GALNT10: variants seen among roughly 807,000 people sequenced by gnomAD.
GALNT10 encodes GalNAc transferase 10.
Under a neutral mutation model 75.0 loss-of-function variants are expected in GALNT10, and 41 were observed. The ratio of observed to expected loss-of-function variants is 0.55; its 90% CI spans 0.43 to 0.71. GALNT10 has a LOEUF of 0.71. Ranked by LOEUF, GALNT10 falls within the 30% of genes least tolerant of loss-of-function variation. The probability of loss-of-function intolerance (pLI) is 0.00; values close to 1 mark genes in which losing one functional copy is unlikely to be tolerated. For synonymous variants in GALNT10, 302 were observed against 313.0 expected, an observed-to-expected ratio of 0.96 and a Z score of 0.37; for missense variants, 727 against 818.5, an observed-to-expected ratio of 0.89 and a Z score of 1.36.
At chr5:154,193,610 T>G (rs1340149363) in intron 1 of GALNT10, among the ~76,000 whole-genome samples, 2 of 152,256 alleles carry the variant, frequency 1.3e-5, no homozygotes, top group African/African-American at 4.8e-5. Context: ...CGTTGATCCT[T>G]CTGGTAGAAA....
intron 7 of GALNT10, among the ~76,000 whole-genome samples, chr5:154,394,505 G>A (rs1253054610): frequency 6.6e-6 from 1 of 152,158 alleles, no homozygotes; most frequent in Non-Finnish European, 1.5e-5. Flanking sequence ...GAAGGTGGCA[G>A]TGCCAAGGCT....
At chr5:154,206,049 G>A (rs1048611836) in intron 1 of GALNT10, among the ~76,000 whole-genome samples, 1 of 152,214 alleles carries the variant, frequency 6.6e-6, no homozygotes, top group African/African-American at 2.4e-5. Flanking sequence ...GTATGAGTGT[G>A]TCTGTATGTT....
Position 154,404,706 on chromosome 5 carries a change from T to C in GALNT10, c.1164+495T>C, listed in dbSNP as rs150280013. 4.7e-4 allele frequency among the ~76,000 whole-genome samples: 71 copies of C among 152,288 alleles called. 1 individual carries two copies. In the East Asian group the frequency reaches 0.011, roughly 23 times the overall value. On this transcript the variant is annotated intron_variant, in intron 8 of 11. Transcript: ENST00000297107. ...ACCAGAGGTGATGTAAAAAAACATG[T>C]TAGATAAATATTAATACAGGTGGTG...
chr5:154,268,567 A>C (rs1753812101), intron 1 of GALNT10, among the ~76,000 whole-genome samples: 1 of 152,214 alleles, frequency 6.6e-6, no homozygotes, highest in Non-Finnish European at 1.5e-5. Flanking sequence ...GATATCCTTA[A>C]GTTTATAAAG....
intron 4 of GALNT10, among the ~76,000 whole-genome samples, chr5:154,368,218 T>G (rs1046811101): frequency 6.6e-6 from 1 of 152,224 alleles, no homozygotes; most frequent in Admixed American, 6.5e-5. Flanking sequence ...TGAAAACCAC[T>G]GTGTGAGATC....
intron 5 of GALNT10, among the ~76,000 whole-genome samples, chr5:154,379,993 C>CT (rs1478379520): frequency 6.6e-6 from 1 of 152,216 alleles, no homozygotes; most frequent in Non-Finnish European, 1.5e-5. Flanking sequence ...GGGGTGCCTA[C>CT]TGCTTTGGGC....
Position 154,298,123 on chromosome 5 carries a change from C to T in GALNT10, c.401+44C>T. ...AAATTCTGAGATCTAAGGATGTTTC[C>T]CTGGCTGTTGTTGAGAATTAATTAA... is the stretch of plus-strand genomic sequence containing the variant. On this transcript the variant is annotated intron_variant, in intron 3 of 11. Transcript: ENST00000297107. This position sits in a 1 kb window ranked among gnomAD's most constrained non-coding sequence, Gnocchi z 4.1. 1.3e-6 allele frequency: 2 copies of T among 1,576,192 alleles called. No homozygotes were observed. The highest frequency in any genetic ancestry group is 2.2e-5 in the East Asian group (1 of 44,534).
chr5:154,347,458 G>C (rs1755147038), intron 4 of GALNT10, among the ~76,000 whole-genome samples: 1 of 151,574 alleles, frequency 6.6e-6, no homozygotes, highest in East Asian at 2.0e-4. Flanking sequence ...CAAACTCCTG[G>C]GCTCAAGCAG....
chr5:154,316,657 G>A (rs970721152), intron 3 of GALNT10, among the ~76,000 whole-genome samples: 1 of 152,206 alleles, frequency 6.6e-6, no homozygotes, highest in Non-Finnish European at 1.5e-5. Flanking sequence ...GGACAGGAAC[G>A]ACAGCTTGTT....
chr5:154,238,981 G>A (rs949707851), intron 1 of GALNT10, among the ~76,000 whole-genome samples: 2 of 152,124 alleles, frequency 1.3e-5, no homozygotes, highest in Non-Finnish European at 2.9e-5. Flanking sequence ...GTCTCAGGGA[G>A]GGGCGATCTC....
In GALNT10 at chr5:154,190,802, C is replaced by T; in HGVS notation, c.-65C>T. 1 of 874,108 alleles carries T rather than the reference C, an allele frequency of 1.1e-6. No individual in the cohort carries two copies. The highest frequency in any genetic ancestry group is 1.4e-6 in the Non-Finnish European group (1 of 724,064). The allele number at this position is 874,108 out of a possible 1,614,324, so 54.1% of individuals were successfully genotyped here. ...CTGCTGCCGCCGCCGGGCGGACGGG[C>T]GGACGCGCGGAGCTGGGGGCGGCGC... On this transcript the variant is annotated 5_prime_UTR_variant, in exon 1 of 12. Coordinates refer to ENST00000297107, the MANE Select transcript of GALNT10 (RefSeq NM_198321.4).
chr5:154,416,445 AAAATT>A lies in GALNT10; in HGVS notation c.1654-365_1654-361del, dbSNP rs1756511063. ...GAGAACCTGTCTCAAAAAAATTAAA[AAAATT>A]AAAAAAATAAAAGATAAAAGGAAAG... On this transcript the variant is annotated intron_variant, in intron 11 of 11. Transcript: ENST00000297107. This position sits in a 1 kb window ranked among gnomAD's most constrained non-coding sequence, Gnocchi z 4.5. Among the ~76,000 whole-genome samples the A allele has an allele frequency of 6.6e-6, 1 of 150,710 alleles. No homozygotes were observed. Among genetic ancestry groups the A allele is most frequent in the Non-Finnish European group, 1.5e-5 (1 of 67,888 alleles).
chr5:154,369,832 G>A (rs568716385), intron 4 of GALNT10, among the ~76,000 whole-genome samples: 3 of 152,306 alleles, frequency 2.0e-5, no homozygotes, highest in Non-Finnish European at 4.4e-5. Flanking sequence ...TCATCTGGTT[G>A]GTGGCCCCCT....
intron 1 of GALNT10, among the ~76,000 whole-genome samples, chr5:154,272,624 C>T (rs1202643352): frequency 2.0e-5 from 3 of 152,288 alleles, no homozygotes; most frequent in African/African-American, 4.8e-5. Flanking sequence ...CTGAACCTTG[C>T]GTTAGCCAGC....
At chr5:154,380,405 C>T (rs910556822) in intron 5 of GALNT10, 43 bp from the exon 6 acceptor site, 3 of 1,529,164 alleles carry the variant, frequency 2.0e-6, no homozygotes, top group Admixed American at 1.7e-5. Context: ...TTAGCTGCTT[C>T]CCCATCCTGC....
intron 4 of GALNT10, among the ~76,000 whole-genome samples, chr5:154,367,878 A>ACT (rs1755501564): frequency 6.6e-6 from 1 of 151,298 alleles, no homozygotes; most frequent in South Asian, 2.1e-4. Flanking sequence ...AAAAAGAGAG[A>ACT]GACTCAGTCT....
chr5:154,195,403 T>G (rs1261222616), intron 1 of GALNT10, among the ~76,000 whole-genome samples: 1 of 151,992 alleles, frequency 6.6e-6, no homozygotes. Context: ...CGCAGTGGAG[T>G]GGGGAAAGGA....
chr5:154,209,224 G>A (rs1174244504), intron 1 of GALNT10, among the ~76,000 whole-genome samples: 3 of 152,222 alleles, frequency 2.0e-5, no homozygotes, highest in Non-Finnish European at 2.9e-5. Flanking sequence ...TGCCAGAGAC[G>A]CCACCCGTGC....
At chr5:154,207,666 A>G (rs1423064973) in intron 1 of GALNT10, among the ~76,000 whole-genome samples, 1 of 152,154 alleles carries the variant, frequency 6.6e-6, no homozygotes, top group East Asian at 1.9e-4. Context: ...TGGTTTAGCC[A>G]GACAGGGAAA....
Sources: gnomAD v4.1 joint callset for allele counts (sites outside exome capture counted in the v4.1 genomes callset) on GRCh38, gnomAD v4.1.1 for gene constraint, Gnocchi (gnomAD v3.1) non-coding constraint, MANE v1.5 for transcripts, NCBI Gene and HGNC (gene_info 2026-07-23, HGNC 2026-07-21) for gene names.